TSPEAR: variants seen among roughly 807,000 people sequenced by gnomAD.
The protein encoded by TSPEAR is thrombospondin-type laminin G domain and EAR repeat-containing protein.
Under a neutral mutation model 71.6 loss-of-function variants are expected in TSPEAR, and 69 were observed. That is an observed-to-expected ratio of 0.96 (90% CI 0.79 to 1.18). The LOEUF (loss-of-function observed/expected upper bound fraction) is 1.18, where lower values mean the gene tolerates loss of function less well. Among genes scored for constraint, TSPEAR ranks in the 50% most tolerant of loss-of-function variants. The pLI, the probability that TSPEAR is intolerant of heterozygous loss-of-function variation, is 0.00. For missense variants in TSPEAR, 971 were observed against 894.9 expected (o/e 1.09, Z -1.09); for synonymous variants, 402 against 387.2 (o/e 1.04, Z -0.45).
intron 9 of TSPEAR, chr21:44,510,765 A>G (rs1257696525): frequency 6.6e-6 from 1 of 152,338 alleles, no homozygotes; most frequent in Non-Finnish European, 1.5e-5. Context: ...AAGGTCCCAA[A>G]GCAGATCCGC....
chr21:44,680,695 ATCT>A (rs1555947782), intron 1 of TSPEAR, among the ~76,000 whole-genome samples: 1 of 152,250 alleles, frequency 6.6e-6, no homozygotes, highest in Non-Finnish European at 1.5e-5. Context: ...TTACAATGGA[ATCT>A]TATTCGGCCA....
chr21:44,514,132 G>A (rs587736039), intron 9 of TSPEAR, among the ~76,000 whole-genome samples: 1 of 152,282 alleles, frequency 6.6e-6, no homozygotes, highest in African/African-American at 2.4e-5. Flanking sequence ...TCCCGCCCAG[G>A]CTCTGCCCAG....
intron 1 of TSPEAR, among the ~76,000 whole-genome samples, chr21:44,682,476 A>C (rs1263077473): frequency 6.6e-6 from 1 of 152,192 alleles, no homozygotes; most frequent in Non-Finnish European, 1.5e-5. Flanking sequence ...TGGTACCCAA[A>C]AGAGCTCCTC....
intron 11 of TSPEAR, among the ~76,000 whole-genome samples, chr21:44,504,422 G>A (rs782024734): frequency 7.0e-6 from 1 of 143,122 alleles, no homozygotes; most frequent in Non-Finnish European, 1.5e-5. Flanking sequence ...CAAGGCTCTG[G>A]GAGGAAGCTG....
intron 1 of TSPEAR, among the ~76,000 whole-genome samples, chr21:44,630,529 A>T (rs1035298622): frequency 1.1e-4 from 16 of 152,234 alleles, no homozygotes; most frequent in African/African-American, 3.9e-4. Flanking sequence ...GCCCCCATGC[A>T]TGCCCATGAT....
At chr21:44,677,678 T>G (rs1256184803) in intron 1 of TSPEAR, 8 of 1,410,626 alleles carry the variant, frequency 5.7e-6, no homozygotes, top group Non-Finnish European at 8.0e-6. Context: ...TTGCTGAAGC[T>G]GGAGTATCTC....
chr21:44,591,281 C>T lies in TSPEAR; in HGVS notation c.83-23276G>A, dbSNP rs111854232. The T allele has an allele frequency of 5.3e-3, 7,869 of 1,480,122 alleles. 214 individuals are homozygous for T. In the African/African-American group the frequency reaches 0.1, roughly 19 times the overall value. The allele number at this position is 1,480,122 out of a possible 1,614,324, so 91.7% of individuals were successfully genotyped here. On this transcript the variant is annotated intron_variant, in intron 1 of 11. Transcript: ENST00000323084. The stretch of plus-strand genomic sequence containing the variant: ...CATCCTGGTCCCTAAGACAAAGAGC[C>T]TGCCCCATCTTCTGAGGGTGTCAAA...
At chr21:44,708,197 G>A (rs1427014880) in intron 1 of TSPEAR, among the ~76,000 whole-genome samples, 1 of 152,154 alleles carries the variant, frequency 6.6e-6, no homozygotes, top group East Asian at 1.9e-4. Context: ...GCCCCCAGCA[G>A]GGGGGACTGC....
chr21:44,546,507 T>C lies in TSPEAR; in HGVS notation c.304-12584A>G, dbSNP rs1364406261. ...CCGCCACCAGGCCCGGCTAATTTTT[T>C]GTATTTTGATTGGAGTTTCACCATG... On this transcript the variant is annotated intron_variant, in intron 2 of 11. Coordinates refer to ENST00000323084, the MANE Select transcript of TSPEAR (RefSeq NM_144991.3). This position sits in a 1 kb window ranked among gnomAD's most constrained non-coding sequence, Gnocchi z 4.4. Among the ~76,000 whole-genome samples, 2 of 152,204 alleles carry C rather than the reference T, an allele frequency of 1.3e-5. No homozygotes were observed. Among genetic ancestry groups the C allele is most frequent in the African/African-American group, 4.8e-5 (2 of 41,448 alleles).
chr21:44,615,839 G>A (rs952157663), intron 1 of TSPEAR, among the ~76,000 whole-genome samples: 11 of 152,322 alleles, frequency 7.2e-5, no homozygotes, highest in Admixed American at 2.0e-4. Flanking sequence ...TGAGGTTCTC[G>A]TCTCATTTAA....
chr21:44,526,714 G>T (rs1187389824), intron 7 of TSPEAR, among the ~76,000 whole-genome samples: 1 of 152,242 alleles, frequency 6.6e-6, no homozygotes, highest in Non-Finnish European at 1.5e-5. Flanking sequence ...ACATGGCTGT[G>T]TAGAGTCCAG....
At chr21:44,646,833 G>C (rs192041610) in intron 1 of TSPEAR, 1 of 1,566,594 alleles carries the variant, frequency 6.4e-7, no homozygotes, top group Non-Finnish European at 8.6e-7. Context: ...CTGCTTCTTC[G>C]TGCTGCCGGC....
rs1365580634 is a variant in TSPEAR, at chr21:44,571,380, T to C, written c.83-3375A>G. 3.9e-5 allele frequency among the ~76,000 whole-genome samples: 6 copies of C among 152,278 alleles called. No individual in the cohort carries two copies. The East Asian group carries it at 1.2e-3, about 29-fold the overall frequency. On this transcript the variant is annotated intron_variant, in intron 1 of 11. Coordinates refer to ENST00000323084, the MANE Select transcript of TSPEAR (RefSeq NM_144991.3). The stretch of plus-strand genomic sequence containing the variant: ...GGGAACATTTCAGACCAGATAACAC[T>C]AGTCTGGAAAAACCAGCACCAACAC...
chr21:44,588,090 C>A (rs936484567), intron 1 of TSPEAR, among the ~76,000 whole-genome samples: 1 of 152,118 alleles, frequency 6.6e-6, no homozygotes, highest in African/African-American at 2.4e-5. Flanking sequence ...AACAGACAAC[C>A]CACACAGTGG....
intron 1 of TSPEAR, among the ~76,000 whole-genome samples, chr21:44,598,367 T>C (rs1555927884): frequency 6.6e-6 from 1 of 152,240 alleles, no homozygotes; most frequent in Admixed American, 6.5e-5. Context: ...TAAAAACTTC[T>C]ACTCTCCTTT....
chr21:44,532,710 T>C (rs1410047209), intron 3 of TSPEAR, among the ~76,000 whole-genome samples: 1 of 152,128 alleles, frequency 6.6e-6, no homozygotes, highest in Non-Finnish European at 1.5e-5. Flanking sequence ...TCCACAGTGG[T>C]AGATCCTGAC....
intron 9 of TSPEAR, among the ~76,000 whole-genome samples, chr21:44,513,127 A>AC (rs1233942084): frequency 1.1e-4 from 17 of 152,174 alleles, no homozygotes; most frequent in African/African-American, 3.6e-4. Context: ...GGCTGGCAGA[A>AC]CCCCCACGGG....
chr21:44,621,413 A>T (rs1380988457), intron 1 of TSPEAR, among the ~76,000 whole-genome samples: 1 of 152,198 alleles, frequency 6.6e-6, no homozygotes, highest in African/African-American at 2.4e-5. Flanking sequence ...GATGGACATT[A>T]ATCACTACAT....
At position 44,616,961 on chromosome 21, in the gene TSPEAR, C is replaced by T. The variant is rs587733627; in HGVS notation, c.83-48956G>A. Among the ~76,000 whole-genome samples the T allele has an allele frequency of 3.9e-5, 6 of 152,350 alleles. No individual in the cohort carries two copies. In the South Asian group the frequency reaches 6.2e-4, roughly 16 times the overall value. On this transcript the variant is annotated intron_variant, in intron 1 of 11. Coordinates refer to ENST00000323084, the MANE Select transcript of TSPEAR (RefSeq NM_144991.3). ...GGAGGAACACGTGCCACAGCCTAGA[C>T]ACCCACCAGGAAAAGCAACCAGGAA...
Sources: gnomAD v4.1 joint callset for allele counts (sites outside exome capture counted in the v4.1 genomes callset) on GRCh38, gnomAD v4.1.1 for gene constraint, Gnocchi (gnomAD v3.1) non-coding constraint, MANE v1.5 for transcripts, NCBI Gene and HGNC (gene_info 2026-07-23, HGNC 2026-07-21) for gene names.